The following TAFA1 variants were observed in gnomAD, a reference collection of about 807,000 sequenced individuals.
TAFA1 encodes chemokine-like protein TAFA-1.
TAFA1 carries 4 observed loss-of-function variants against 18.5 expected under a neutral mutation model. That is an observed-to-expected ratio of 0.22 (90% confidence interval 0.11 to 0.49). The LOEUF is 0.49. Ranked by LOEUF, TAFA1 falls within the 20% of genes least tolerant of loss-of-function variation. The pLI, the probability that TAFA1 is intolerant of heterozygous loss-of-function variation, is 0.98. For synonymous variants in TAFA1, 56 were observed against 55.2 expected (o/e 1.01, Z -0.06); for missense variants, 147 against 169.0 (o/e 0.87, Z 0.72).
chr3:68,510,457 C>T (rs995321613), intron 3 of TAFA1, among the ~76,000 whole-genome samples: 6 of 152,102 alleles, frequency 3.9e-5, no homozygotes, highest in Non-Finnish European at 5.9e-5. Flanking sequence ...CTCCCATCTC[C>T]TGAAGAGCAG....
intron 2 of TAFA1, among the ~76,000 whole-genome samples, chr3:68,256,839 G>A (rs1192286904): frequency 6.6e-6 from 1 of 151,952 alleles, no homozygotes; most frequent in Non-Finnish European, 1.5e-5. Flanking sequence ...CCACCATCTG[G>A]CCCCAAAACC....
intron 2 of TAFA1, among the ~76,000 whole-genome samples, chr3:68,310,340 C>A (rs1172833076): frequency 6.6e-6 from 1 of 151,840 alleles, no homozygotes; most frequent in Non-Finnish European, 1.5e-5. Context: ...TCAAGTATAC[C>A]CTAAATATTT....
At chr3:68,120,161 C>CTCTT (rs147060146) in intron 2 of TAFA1, among the ~76,000 whole-genome samples, 1 of 141,976 alleles carries the variant, frequency 7.0e-6, no homozygotes, top group Non-Finnish European at 1.5e-5. Flanking sequence ...TTCTTTCTTT[C>CTCTT]TCTTTCTTTC....
At chr3:68,309,905 G>A (rs937504750) in intron 2 of TAFA1, among the ~76,000 whole-genome samples, 7 of 152,132 alleles carry the variant, frequency 4.6e-5, no homozygotes, top group African/African-American at 1.7e-4. Flanking sequence ...TTATGTCAGT[G>A]GGAAGGAGGA....
At chr3:68,375,887 G>A (rs1034809774) in intron 2 of TAFA1, among the ~76,000 whole-genome samples, 3 of 152,142 alleles carry the variant, frequency 2.0e-5, no homozygotes, top group Admixed American at 2.0e-4. Flanking sequence ...TAGCTCTACT[G>A]CAGTCAAAAG....
At chr3:68,082,660 G>A (rs75540103) in intron 2 of TAFA1, among the ~76,000 whole-genome samples, 2,539 of 152,200 alleles carry the variant, frequency 0.017, 73 homozygotes, top group African/African-American at 0.058. Flanking sequence ...TGATGATAAC[G>A]ATGATGATGA....
At chr3:68,299,525 A>G (rs1202379696) in intron 2 of TAFA1, among the ~76,000 whole-genome samples, 1 of 152,254 alleles carries the variant, frequency 6.6e-6, no homozygotes, top group African/African-American at 2.4e-5. Context: ...TGACAATGCA[A>G]TAGAAAGTAA....
intron 2 of TAFA1, among the ~76,000 whole-genome samples, chr3:68,372,776 C>T (rs1040860277): frequency 6.6e-6 from 1 of 151,868 alleles, no homozygotes; most frequent in African/African-American, 2.4e-5. Context: ...GAAAACAATA[C>T]ATTTAGCACT....
intron 2 of TAFA1, among the ~76,000 whole-genome samples, chr3:68,256,034 C>T (rs1036059272): frequency 6.6e-6 from 1 of 152,004 alleles, no homozygotes; most frequent in African/African-American, 2.4e-5. Context: ...TAAATAGATA[C>T]TATTTATCAA....
At chr3:68,197,775 T>C (rs936635364) in intron 2 of TAFA1, among the ~76,000 whole-genome samples, 23 of 151,690 alleles carry the variant, frequency 1.5e-4, no homozygotes, top group African/African-American at 5.3e-4. Context: ...AGTTGCAAAT[T>C]CACTGGTGAG....
At chr3:68,299,860 G>C (rs2068273158) in intron 2 of TAFA1, among the ~76,000 whole-genome samples, 1 of 152,204 alleles carries the variant, frequency 6.6e-6, no homozygotes, top group African/African-American at 2.4e-5. Flanking sequence ...GTGTTGTTGG[G>C]CTTGTAGGTA....
intron 2 of TAFA1, among the ~76,000 whole-genome samples, chr3:68,310,660 T>G (rs1453735686): frequency 6.6e-6 from 1 of 152,194 alleles, no homozygotes; most frequent in Non-Finnish European, 1.5e-5. Flanking sequence ...GAAATTCATT[T>G]TAAAATTTAG....
At chr3:68,405,805 T>G (rs1464390052) in intron 2 of TAFA1, among the ~76,000 whole-genome samples, 1 of 136,228 alleles carries the variant, frequency 7.3e-6, no homozygotes, top group Non-Finnish European at 1.5e-5. Flanking sequence ...CAGGAAGAGC[T>G]CAGAAATTTG....
At chr3:68,149,611 TAG>T (rs2065781577) in intron 2 of TAFA1, among the ~76,000 whole-genome samples, 1 of 152,094 alleles carries the variant, frequency 6.6e-6, no homozygotes, top group South Asian at 2.1e-4. Context: ...TGGGAATGAA[TAG>T]AGCAAGAACT....
At chr3:68,195,207 T>C (rs896400247) in intron 2 of TAFA1, among the ~76,000 whole-genome samples, 2 of 151,180 alleles carry the variant, frequency 1.3e-5, no homozygotes, top group Non-Finnish European at 1.5e-5. Context: ...TGTTTAAATA[T>C]AAAAATGGAT....
intron 2 of TAFA1, among the ~76,000 whole-genome samples, chr3:68,354,091 TAAAAC>T (rs1177454201): frequency 1.3e-5 from 2 of 151,982 alleles, no homozygotes; most frequent in Non-Finnish European, 2.9e-5. Flanking sequence ...GTTCATTTTT[TAAAAC>T]AAAACAAACA....
intron 3 of TAFA1, among the ~76,000 whole-genome samples, chr3:68,418,154 C>T (rs1206957603): frequency 1.3e-5 from 2 of 152,010 alleles, no homozygotes; most frequent in Non-Finnish European, 2.9e-5. Context: ...CATGCGCATC[C>T]GTGTGAAGAT....
At chr3:68,040,635 C>T (rs1197469899) in intron 2 of TAFA1, among the ~76,000 whole-genome samples, 8 of 152,148 alleles carry the variant, frequency 5.3e-5, no homozygotes, top group Non-Finnish European at 1.2e-4. Context: ...GGTCATCATA[C>T]CAGCAGCATC....
chr3:68,341,897 T>C (rs543273920), intron 2 of TAFA1, among the ~76,000 whole-genome samples: 93 of 152,278 alleles, frequency 6.1e-4, no homozygotes, highest in African/African-American at 2.0e-3. Context: ...AATTGGGAGA[T>C]GTGGAATGAA....
Sources: allele counts gnomAD v4.1 joint callset (sites outside exome capture counted in the v4.1 genomes callset), GRCh38; gene constraint gnomAD v4.1.1; transcripts MANE v1.5; gene names NCBI Gene and HGNC (gene_info 2026-07-23, HGNC 2026-07-21).